Variants in CCBE1 observed in about 807,000 individuals in gnomAD.
The protein encoded by CCBE1 is collagen and calcium binding EGF domains 1.
Under a neutral mutation model 50.0 loss-of-function variants are expected in CCBE1, and 37 were observed. That is an observed-to-expected ratio of 0.74 (90% confidence interval 0.57 to 0.97). The LOEUF is 0.97. Ranked by LOEUF, CCBE1 falls within the 50% of genes least tolerant of loss-of-function variation. CCBE1 has a pLI of 0.00. For missense variants in CCBE1, 538 were observed against 523.8 expected (o/e 1.03, Z -0.26); for synonymous variants, 234 against 203.7 (o/e 1.15, Z -1.27).
At chr18:59,641,129 A>G (rs1407903281) in intron 2 of CCBE1, among the ~76,000 whole-genome samples, 1 of 152,198 alleles carries the variant, frequency 6.6e-6, no homozygotes, top group Non-Finnish European at 1.5e-5. Flanking sequence ...ACCCAAATAA[A>G]AAAACATTCT....
At chr18:59,455,420 C>T (rs899796396) in intron 5 of CCBE1, among the ~76,000 whole-genome samples, 37 of 152,122 alleles carry the variant, frequency 2.4e-4, no homozygotes, top group African/African-American at 2.4e-5. Context: ...AGCAGTGGGC[C>T]GGGAGCTGAC....
chr18:59,612,516 AAGT>A (rs1420805880), intron 2 of CCBE1, among the ~76,000 whole-genome samples: 2 of 152,072 alleles, frequency 1.3e-5, no homozygotes, highest in Admixed American at 6.6e-5. Flanking sequence ...CTTCCCTAGA[AAGT>A]AGAGGTTTTC....
At chr18:59,536,884 C>T (rs994493404) in intron 2 of CCBE1, among the ~76,000 whole-genome samples, 3 of 150,746 alleles carry the variant, frequency 2.0e-5, no homozygotes, top group Non-Finnish European at 2.9e-5. Flanking sequence ...CCCAGCTACT[C>T]GGGAGGCTGA....
intron 2 of CCBE1, among the ~76,000 whole-genome samples, chr18:59,556,519 C>T (rs1039942936): frequency 1.3e-5 from 2 of 152,072 alleles, no homozygotes; most frequent in South Asian, 4.2e-4. Flanking sequence ...CTGCAGAAGA[C>T]AAAGGGTTAT....
chr18:59,482,882 C>T (rs1197595714), intron 2 of CCBE1, among the ~76,000 whole-genome samples: 1 of 151,864 alleles, frequency 6.6e-6, no homozygotes, highest in Non-Finnish European at 1.5e-5. Flanking sequence ...GGTTAAATTA[C>T]CGTTTTTAAG....
chr18:59,621,877 G>A (rs1010548563), intron 2 of CCBE1, among the ~76,000 whole-genome samples: 1 of 152,188 alleles, frequency 6.6e-6, no homozygotes, highest in African/African-American at 2.4e-5. Context: ...GGAGCCTGCT[G>A]CACAAGTGAC....
intron 2 of CCBE1, among the ~76,000 whole-genome samples, chr18:59,628,144 C>T (rs576771870): frequency 6.6e-6 from 1 of 152,134 alleles, no homozygotes; most frequent in East Asian, 1.9e-4. Flanking sequence ...AGCCTGGGGG[C>T]AAGCTGAGAC....
At chr18:59,517,756 C>T (rs376659764) in intron 2 of CCBE1, among the ~76,000 whole-genome samples, 26 of 152,332 alleles carry the variant, frequency 1.7e-4, no homozygotes, top group African/African-American at 5.5e-4. Context: ...CGAGTTTCTC[C>T]ACTGGCCATT....
chr18:59,513,123 C>T (rs1403755596), intron 2 of CCBE1, among the ~76,000 whole-genome samples: 1 of 152,116 alleles, frequency 6.6e-6, no homozygotes, highest in Non-Finnish European at 1.5e-5. Flanking sequence ...GCCCAGCCAA[C>T]ATGGCAAAAC....
intron 2 of CCBE1, among the ~76,000 whole-genome samples, chr18:59,519,535 C>T (rs2144321056): frequency 6.6e-6 from 1 of 152,232 alleles, no homozygotes; most frequent in African/African-American, 2.4e-5. Flanking sequence ...CACTCATTTG[C>T]TTGTCAAATT....
intron 2 of CCBE1, among the ~76,000 whole-genome samples, chr18:59,508,711 C>CTTTTT (rs55881131): frequency 0.15 from 14,398 of 95,036 alleles, 1,909 homozygotes; most frequent in Non-Finnish European, 0.17. Context: ...TAGAGTTACG[C>CTTTTT]TTTTTTTTTT....
At chr18:59,549,714 G>T (rs979469391) in intron 2 of CCBE1, among the ~76,000 whole-genome samples, 2 of 152,152 alleles carry the variant, frequency 1.3e-5, no homozygotes. Flanking sequence ...ACCCAGTTGG[G>T]CAATTAACTT....
At chr18:59,523,534 G>A (rs768110611) in intron 2 of CCBE1, among the ~76,000 whole-genome samples, 2 of 152,146 alleles carry the variant, frequency 1.3e-5, no homozygotes, top group Non-Finnish European at 2.9e-5. Flanking sequence ...GCTCACAGCA[G>A]TGAGCCAGTG....
At chr18:59,549,788 A>G (rs763466400) in intron 2 of CCBE1, among the ~76,000 whole-genome samples, 1 of 152,246 alleles carries the variant, frequency 6.6e-6, no homozygotes, top group Non-Finnish European at 1.5e-5. Flanking sequence ...CACATTGGTC[A>G]GTGATTGCAC....
intron 2 of CCBE1, among the ~76,000 whole-genome samples, chr18:59,627,270 A>G (rs2053797623): frequency 6.6e-6 from 1 of 152,238 alleles, no homozygotes; most frequent in African/African-American, 2.4e-5. Context: ...AATGTCAAAA[A>G]TTAGAAGACA....
At chr18:59,639,501 G>T (rs1260411072) in intron 2 of CCBE1, among the ~76,000 whole-genome samples, 1 of 152,102 alleles carries the variant, frequency 6.6e-6, no homozygotes, top group Non-Finnish European at 1.5e-5. Context: ...CTGCAAAATA[G>T]TAAGAGCCAT....
intron 2 of CCBE1, among the ~76,000 whole-genome samples, chr18:59,535,059 C>T (rs1465027995): frequency 3.3e-5 from 5 of 152,208 alleles, no homozygotes; most frequent in Non-Finnish European, 1.5e-5. Flanking sequence ...CAAATAATAT[C>T]TCAAGTCTAT....
intron 2 of CCBE1, among the ~76,000 whole-genome samples, chr18:59,569,433 A>G (rs1465557356): frequency 6.6e-6 from 1 of 152,200 alleles, no homozygotes; most frequent in African/African-American, 2.4e-5. Flanking sequence ...CTATTCATCA[A>G]TTCCTTTATT....
intron 2 of CCBE1, among the ~76,000 whole-genome samples, chr18:59,544,617 AC>A (rs1397195755): frequency 3.9e-5 from 6 of 152,288 alleles, no homozygotes; most frequent in African/African-American, 1.4e-4. Flanking sequence ...CAAGAGCTTC[AC>A]AGCACAAAAT....
Sources: gnomAD v4.1 joint callset for allele counts (sites outside exome capture counted in the v4.1 genomes callset) on GRCh38, gnomAD v4.1.1 for gene constraint, MANE v1.5 for transcripts, NCBI Gene and HGNC (gene_info 2026-07-23, HGNC 2026-07-21) for gene names.